Variants in OSBPL6 observed in about 807,000 individuals in gnomAD.
The protein encoded by OSBPL6 is oxysterol-binding protein-related protein 6.
A neutral mutation model predicts 125.8 loss-of-function variants in OSBPL6; 49 were observed. The observed-to-expected ratio is 0.39, with a 90% confidence interval of 0.31 to 0.49. The LOEUF (loss-of-function observed/expected upper bound fraction) is 0.49, where lower values mean the gene tolerates loss of function less well. Among genes scored for constraint, OSBPL6 ranks in the 20% least tolerant of loss-of-function variants. The pLI is 0.88. For missense variants in OSBPL6, 986 were observed against 1,135.4 expected (o/e 0.87, Z 1.89); for synonymous variants, 394 against 391.8 (o/e 1.01, Z -0.07).
At chr2:178,333,271 G>T (rs553454675) in intron 8 of OSBPL6, among the ~76,000 whole-genome samples, 3 of 152,248 alleles carry the variant, frequency 2.0e-5, no homozygotes, top group Admixed American at 1.3e-4. Flanking sequence ...TGTAATCCCA[G>T]GTACTCGGGA....
chr2:178,299,674 C>T (rs537426934), intron 2 of OSBPL6, among the ~76,000 whole-genome samples: 11 of 152,218 alleles, frequency 7.2e-5, no homozygotes, highest in East Asian at 1.9e-4. Flanking sequence ...ATTTTGGTAA[C>T]GATTACATTA....
chr2:178,343,542 A>G (rs1252893926), intron 11 of OSBPL6, among the ~76,000 whole-genome samples: 2 of 152,172 alleles, frequency 1.3e-5, no homozygotes, highest in African/African-American at 4.8e-5. Context: ...GGATTCTTCT[A>G]CCGGTTTGTG....
rs914459702 is a variant in OSBPL6, at chr2:178,242,666, A to G, written c.-350-42261A>G. The stretch of plus-strand genomic sequence containing the variant: ...ATTAGATTTGAATTAAGAGTCCCTT[A>G]TAACCTGCAGCTGAATCAATGGTTG... On this transcript the variant is annotated intron_variant, in intron 1 of 24. Transcript: ENST00000190611. Among the ~76,000 whole-genome samples the G allele has an allele frequency of 3.5e-4, 53 of 152,220 alleles. 1 individual carries two copies. The highest frequency in any genetic ancestry group is 3.8e-4 in the East Asian group (2 of 5,204).
intron 1 of OSBPL6, among the ~76,000 whole-genome samples, chr2:178,223,428 C>G (rs2090424002): frequency 6.6e-6 from 1 of 152,172 alleles, no homozygotes; most frequent in South Asian, 2.1e-4. Flanking sequence ...TATTTTCCCC[C>G]ACTGGATTCA....
chr2:178,390,816 A>G (rs1027842909), intron 21 of OSBPL6, among the ~76,000 whole-genome samples: 2 of 152,248 alleles, frequency 1.3e-5, no homozygotes, highest in Non-Finnish European at 2.9e-5. Context: ...AATTAATATT[A>G]GGTTCTTGGG....
rs543540798 is a variant in OSBPL6, at chr2:178,253,166, C to T, written c.-350-31761C>T. ...CCTCCTGAGTAGCTGGGATTACAGG[C>T]GCCCACCACCAAGCCCAGCTAATTT... is the stretch of plus-strand genomic sequence containing the variant. On this transcript the variant is annotated intron_variant, in intron 1 of 24. Transcript: ENST00000190611. 9.9e-5 allele frequency among the ~76,000 whole-genome samples: 15 copies of T among 152,134 alleles called. No individual in the cohort carries two copies. The East Asian group carries it at 1.9e-3, about 20-fold the overall frequency.
chr2:178,230,674 A>G (rs558075499), intron 1 of OSBPL6, among the ~76,000 whole-genome samples: 1 of 152,338 alleles, frequency 6.6e-6, no homozygotes, highest in South Asian at 2.1e-4. Flanking sequence ...GACAAGTATG[A>G]GTATCCTAAA....
intron 1 of OSBPL6, among the ~76,000 whole-genome samples, chr2:178,235,268 A>G (rs907856662): frequency 4.2e-4 from 63 of 151,652 alleles, no homozygotes; most frequent in African/African-American, 1.3e-3. Flanking sequence ...TGAGTTATAC[A>G]TATATAATCT....
chr2:178,299,595 G>A (rs1483989238), intron 2 of OSBPL6, among the ~76,000 whole-genome samples: 6 of 151,868 alleles, frequency 4.0e-5, no homozygotes, highest in Admixed American at 1.3e-4. Context: ...TAACCCATAA[G>A]CAGTGCATCC....
chr2:178,243,058 A>G (rs945936820), intron 1 of OSBPL6, among the ~76,000 whole-genome samples: 2 of 152,126 alleles, frequency 1.3e-5, no homozygotes, highest in African/African-American at 4.8e-5. Context: ...GTATGTAAAA[A>G]TGTATAAAAT....
chr2:178,306,293 G>A lies in OSBPL6; in HGVS notation c.102+7G>A, dbSNP rs1463455856. 6.4e-7 allele frequency: 1 copy of A among 1,572,528 alleles called. No homozygotes were observed. On this transcript the variant is annotated splice_region_variant and intron_variant, in intron 3 of 24. Transcript: ENST00000190611. ...CCAAAGGGACAGTAGGCAGGTAAGA[G>A]AAGAGCATTAAGTGCCTTTGGTTGT... is the stretch of plus-strand genomic sequence containing the variant.
rs565996031 is a variant in OSBPL6 at position 178,366,524 on chromosome 2, G to GA, written c.1287+4717dup. ...TCATTTTGTGCATTACTGAGAAAAG[G>GA]AAAAAAAACACTGCTGTCAATTGAA... On this transcript the variant is annotated intron_variant, in intron 13 of 24. Coordinates refer to ENST00000190611, the MANE Select transcript of OSBPL6 (RefSeq NM_032523.4). Among the ~76,000 whole-genome samples the GA allele has an allele frequency of 1.6e-4, 24 of 151,758 alleles. No homozygotes were observed. In the South Asian group the frequency reaches 4.6e-3, roughly 29 times the overall value.
At chr2:178,387,026 G>A in intron 19 of OSBPL6, 35 bp from the exon 20 acceptor site, 1 of 1,375,394 alleles carries the variant, frequency 7.3e-7, no homozygotes, top group Non-Finnish European at 1.0e-6. Flanking sequence ...TAGATATGGG[G>A]TATGTATTTC....
At chr2:178,354,501 A>G (rs1025378205) in intron 12 of OSBPL6, among the ~76,000 whole-genome samples, 1 of 152,232 alleles carries the variant, frequency 6.6e-6, no homozygotes, top group Non-Finnish European at 1.5e-5. Context: ...AGGCCATTAC[A>G]TAATGGTAAA....
At chr2:178,195,248 C>T (rs1290040250) in intron 1 of OSBPL6, among the ~76,000 whole-genome samples, 1 of 152,120 alleles carries the variant, frequency 6.6e-6, no homozygotes. Context: ...GCGGGGCACC[C>T]CTGCCCACCC....
At chr2:178,221,764 G>A (rs1411038545) in intron 1 of OSBPL6, among the ~76,000 whole-genome samples, 1 of 152,220 alleles carries the variant, frequency 6.6e-6, no homozygotes, top group Non-Finnish European at 1.5e-5. Flanking sequence ...GGGGAGTAGG[G>A]AGGAGGGCTG....
chr2:178,388,019 A>G (rs1695095503), intron 20 of OSBPL6, among the ~76,000 whole-genome samples: 1 of 152,116 alleles, frequency 6.6e-6, no homozygotes, highest in Admixed American at 6.5e-5. Flanking sequence ...AGAAAAAAAA[A>G]AATGTATAAG....
rs1692175509 is a variant in OSBPL6 at position 178,359,948 on chromosome 2, G to A, written c.1154-1734G>A. Among the ~76,000 whole-genome samples, 3 of 152,134 alleles carry A rather than the reference G, an allele frequency of 2.0e-5. No homozygotes were observed. In the South Asian group the frequency reaches 6.2e-4, roughly 32 times the overall value. ...CTAAAATTACGAAAATTAGTCAGGC[G>A]TGGTGGTGCCTGCCTGTAATCCCAG... is the stretch of plus-strand genomic sequence containing the variant. On this transcript the variant is annotated intron_variant, in intron 12 of 24. Coordinates refer to ENST00000190611, the MANE Select transcript of OSBPL6 (RefSeq NM_032523.4).
At position 178,324,294 on chromosome 2, in the gene OSBPL6, C is replaced by G. The variant is rs1190761142; in HGVS notation, c.195+25C>G. The G allele has an allele frequency of 5.3e-6, 8 of 1,504,302 alleles. No individual in the cohort carries two copies. In the Admixed American group the frequency reaches 1.1e-4, roughly 21 times the overall value. The allele number at this position is 1,504,302 out of a possible 1,614,324, so 93.2% of individuals were successfully genotyped here. A position where few individuals can be genotyped will look rare whatever the true frequency, so the allele number is the denominator to read the frequency against. ...GGTCAGTGATGAAATGCGGTGCTTT[C>G]TCTGCTGGCATGATGCCTGCTCTGG... On this transcript the variant is annotated intron_variant, in intron 4 of 24. Transcript: ENST00000190611.
Sources: allele counts gnomAD v4.1 joint callset (sites outside exome capture counted in the v4.1 genomes callset), GRCh38; gene constraint gnomAD v4.1.1; transcripts MANE v1.5; gene names NCBI Gene and HGNC (gene_info 2026-07-23, HGNC 2026-07-21).